The following ODAD2 variants were observed in gnomAD, a reference collection of about 807,000 sequenced individuals.
ODAD2 encodes outer dynein arm-docking complex subunit 2.
In ODAD2, 89 loss-of-function variants were observed where a neutral mutation model predicts 106.8. The observed-to-expected ratio is 0.83, with a 90% CI of 0.70 to 0.99. ODAD2 has a LOEUF of 0.99. Among genes scored for constraint, ODAD2 ranks in the 50% least tolerant of loss-of-function variants. The probability of loss-of-function intolerance (pLI) is 0.00; values close to 1 mark genes in which losing one functional copy is unlikely to be tolerated. For synonymous variants in ODAD2, 404 were observed against 436.2 expected, an observed-to-expected ratio of 0.93 and a Z score of 0.92; for missense variants, 1,168 against 1,238.5, an observed-to-expected ratio of 0.94 and a Z score of 0.85.
chr10:27,880,529 T>C (rs1382695393), intron 17 of ODAD2, among the ~76,000 whole-genome samples: 1 of 152,202 alleles, frequency 6.6e-6, no homozygotes, highest in Non-Finnish European at 1.5e-5. Context: ...GTGTTGAAAC[T>C]TAATTGCCTA....
rs546340076 is a variant in ODAD2 at position 27,831,090 on chromosome 10, C to A, written c.3022-18465G>T. 9.2e-5 allele frequency among the ~76,000 whole-genome samples: 14 copies of A among 152,198 alleles called. No individual in the cohort carries two copies. The South Asian group carries it at 2.7e-3, about 29-fold the overall frequency. On this transcript the variant is annotated intron_variant, in intron 19 of 19. Transcript: ENST00000305242. Reference sequence around the variant, plus strand: ...GGAGGGAAGAGGCATGAGGAGGGATCTGGAGGCCAACGGCCCAGGAGACAG... The same window carrying A: ...GGAGGGAAGAGGCATGAGGAGGGATATGGAGGCCAACGGCCCAGGAGACAG...
chr10:27,974,689 G>GTTTTTTT (rs397699788), intron 7 of ODAD2, among the ~76,000 whole-genome samples: 5 of 128,374 alleles, frequency 3.9e-5, no homozygotes, highest in East Asian at 2.3e-4. Flanking sequence ...GTCTGTTTTT[G>GTTTTTTT]TTTTTTTTTT....
chr10:27,925,883 T>A (rs1845220153), intron 16 of ODAD2, among the ~76,000 whole-genome samples: 1 of 151,546 alleles, frequency 6.6e-6, no homozygotes, highest in African/African-American at 2.4e-5. Flanking sequence ...ATAAGAATTT[T>A]AAAGGAGTAA....
intron 17 of ODAD2, among the ~76,000 whole-genome samples, chr10:27,867,745 G>A (rs1401950290): frequency 6.6e-6 from 1 of 152,076 alleles, no homozygotes; most frequent in Non-Finnish European, 1.5e-5. Flanking sequence ...AGGTCAGGAG[G>A]TTGAGACCAG....
chr10:27,855,386 T>C (rs1192114633), intron 19 of ODAD2, among the ~76,000 whole-genome samples: 2 of 152,130 alleles, frequency 1.3e-5, no homozygotes, highest in Non-Finnish European at 2.9e-5. Flanking sequence ...ACTCTATATG[T>C]AGTATATATT....
intron 17 of ODAD2, among the ~76,000 whole-genome samples, chr10:27,893,845 C>T (rs1842708100): frequency 6.6e-6 from 1 of 152,164 alleles, no homozygotes; most frequent in Non-Finnish European, 1.5e-5. Context: ...TACTGTCCCT[C>T]AGAATTTATA....
chr10:27,944,677 C>T, intron 11 of ODAD2, 139 bp downstream of exon 11: 1 of 1,104,384 alleles, frequency 9.1e-7, no homozygotes, highest in Non-Finnish European at 1.3e-6. Context: ...GCTCAGTGAA[C>T]AGAATCAGCA....
At chr10:27,916,915 A>G (rs1844417779) in intron 16 of ODAD2, among the ~76,000 whole-genome samples, 1 of 152,130 alleles carries the variant, frequency 6.6e-6, no homozygotes. Flanking sequence ...AGAAAAAACT[A>G]CAAATAAACA....
chr10:27,941,563 A>G (rs1846436142), intron 12 of ODAD2, among the ~76,000 whole-genome samples: 1 of 148,586 alleles, frequency 6.7e-6, no homozygotes, highest in Non-Finnish European at 1.5e-5. Context: ...TACTGAAACC[A>G]ACCAAACCAA....
intron 12 of ODAD2, 71 bp from the exon 13 acceptor site, chr10:27,940,876 A>G: frequency 6.7e-7 from 1 of 1,484,440 alleles, no homozygotes; most frequent in Non-Finnish European, 9.2e-7. Flanking sequence ...TTCAATAGCT[A>G]CAGTGTTCCT....
intron 19 of ODAD2, among the ~76,000 whole-genome samples, chr10:27,825,418 G>T (rs894430392): frequency 6.6e-6 from 1 of 152,186 alleles, no homozygotes; most frequent in East Asian, 1.9e-4. Context: ...ACAACTTAGT[G>T]ATCTGGGAGG....
rs1393956466 is a variant in ODAD2, at chr10:27,985,221, A to G, written c.383-10T>C. On this transcript the variant is annotated splice_polypyrimidine_tract_variant and intron_variant, in intron 3 of 19. Transcript: ENST00000305242. ...ATGGGGTCTCTGTTAGCTGCCAAAA[A>G]AAAAAAAAAGGAGACAAATAAAAAT... 6.7e-7 allele frequency: 1 copy of G among 1,498,342 alleles called. No homozygotes were observed. The highest frequency in any genetic ancestry group is 8.9e-7 in the Non-Finnish European group (1 of 1,127,266). The allele number at this position is 1,498,342 out of a possible 1,614,324, so 92.8% of individuals were successfully genotyped here. A position where few individuals can be genotyped will look rare whatever the true frequency, so the allele number is the denominator to read the frequency against.
intron 2 of ODAD2, among the ~76,000 whole-genome samples, chr10:27,989,460 G>A (rs1850085629): frequency 6.6e-6 from 1 of 152,190 alleles, no homozygotes; most frequent in African/African-American, 2.4e-5. Flanking sequence ...TAGGACTTAA[G>A]AGATTTTTTA....
At chr10:27,972,227 C>T (rs1161391870) in intron 7 of ODAD2, among the ~76,000 whole-genome samples, 1 of 152,030 alleles carries the variant, frequency 6.6e-6, no homozygotes, top group Non-Finnish European at 1.5e-5. Flanking sequence ...GGAGACGTGA[C>T]AAATTTGAGA....
intron 19 of ODAD2, among the ~76,000 whole-genome samples, chr10:27,847,414 G>A (rs1366369395): frequency 1.3e-5 from 2 of 152,060 alleles, no homozygotes; most frequent in Admixed American, 6.6e-5. Flanking sequence ...GGTATCGATG[G>A]GACGTATCTC....
chr10:27,956,086 G>C (rs564469081), intron 10 of ODAD2, among the ~76,000 whole-genome samples: 26 of 152,238 alleles, frequency 1.7e-4, no homozygotes, highest in African/African-American at 6.0e-4. Flanking sequence ...GCCAGTGTTT[G>C]ATGAATTTGA....
intron 16 of ODAD2, among the ~76,000 whole-genome samples, chr10:27,913,021 G>T (rs984886480): frequency 2.0e-5 from 3 of 152,122 alleles, no homozygotes; most frequent in African/African-American, 7.2e-5. Flanking sequence ...TTAGCCTTTG[G>T]AAAGCAGGAG....
intron 17 of ODAD2, among the ~76,000 whole-genome samples, chr10:27,876,381 G>C (rs924660754): frequency 6.6e-6 from 1 of 152,194 alleles, no homozygotes; most frequent in Non-Finnish European, 1.5e-5. Context: ...AACATTTGCT[G>C]TTCAGCAATA....
intron 17 of ODAD2, among the ~76,000 whole-genome samples, chr10:27,887,517 C>T (rs767360204): frequency 2.0e-5 from 3 of 151,944 alleles, no homozygotes; most frequent in Non-Finnish European, 4.4e-5. Context: ...CTAACAACAG[C>T]AGAATACTCA....
Sources: allele counts gnomAD v4.1 joint callset (sites outside exome capture counted in the v4.1 genomes callset), GRCh38; gene constraint gnomAD v4.1.1; transcripts MANE v1.5; gene names NCBI Gene and HGNC (gene_info 2026-07-23, HGNC 2026-07-21).